Variants in LRBA observed in about 807,000 individuals in gnomAD.
LRBA encodes the protein lipopolysaccharide-responsive and beige-like anchor protein.
LRBA carries 176 observed loss-of-function variants against 330.0 expected under a neutral mutation model. The observed-to-expected ratio is 0.53, with a 90% CI of 0.47 to 0.60. The LOEUF (loss-of-function observed/expected upper bound fraction) is 0.60. Among genes scored for constraint, LRBA ranks in the 20% least tolerant of loss-of-function variants. The pLI is 0.00. For synonymous variants in LRBA, 1,230 were observed against 1,193.0 expected (o/e 1.03, Z -0.64); for missense variants, 3,259 against 3,444.8 (o/e 0.95, Z 1.35).
At chr4:150,313,115 T>C (rs1731273055) in intron 51 of LRBA, among the ~76,000 whole-genome samples, 2 of 152,138 alleles carry the variant, frequency 1.3e-5, no homozygotes, top group South Asian at 4.1e-4. Flanking sequence ...CACATTTTTA[T>C]GGCTGAAAAG....
At chr4:150,727,892 T>C (rs1165205783) in intron 36 of LRBA, among the ~76,000 whole-genome samples, 1 of 151,892 alleles carries the variant, frequency 6.6e-6, no homozygotes. Context: ...GAATTTGAAA[T>C]GAAGAAAACA....
chr4:150,625,979 A>G (rs757629776), intron 37 of LRBA, among the ~76,000 whole-genome samples: 2 of 151,722 alleles, frequency 1.3e-5, no homozygotes, highest in African/African-American at 2.4e-5. Context: ...GGTGTGAGCC[A>G]CAGTCCTTGG....
At chr4:150,706,847 C>A (rs1377904931) in intron 36 of LRBA, among the ~76,000 whole-genome samples, 1 of 151,334 alleles carries the variant, frequency 6.6e-6, no homozygotes, top group East Asian at 1.9e-4. Flanking sequence ...CATAAAAAAC[C>A]AAAAATGTAG....
At chr4:150,417,272 T>C (rs1185839838) in intron 46 of LRBA, among the ~76,000 whole-genome samples, 1 of 152,128 alleles carries the variant, frequency 6.6e-6, no homozygotes, top group Non-Finnish European at 1.5e-5. Context: ...AAAAAGAATT[T>C]TTGTAATGTG....
At chr4:150,958,787 T>A (rs1266831665) in intron 2 of LRBA, among the ~76,000 whole-genome samples, 1 of 149,172 alleles carries the variant, frequency 6.7e-6, no homozygotes, top group Non-Finnish European at 1.5e-5. Context: ...ATGGCAAGAA[T>A]GATCTTTACT....
chr4:150,339,508 T>C (rs1330441948), intron 48 of LRBA, among the ~76,000 whole-genome samples: 6 of 152,024 alleles, frequency 3.9e-5, no homozygotes, highest in Admixed American at 3.9e-4. Context: ...GGAGAAAGAG[T>C]TGTGTTTGGC....
At chr4:150,776,215 G>A (rs757940610) in intron 34 of LRBA, among the ~76,000 whole-genome samples, 2 of 152,142 alleles carry the variant, frequency 1.3e-5, no homozygotes. Flanking sequence ...CACTAGGGAG[G>A]CTGAGGCAGG....
intron 37 of LRBA, among the ~76,000 whole-genome samples, chr4:150,624,663 C>T (rs906922986): frequency 4.0e-5 from 6 of 151,734 alleles, no homozygotes; most frequent in African/African-American, 4.8e-5. Context: ...ACAACTAATG[C>T]GTATATAAAA....
At chr4:150,311,333 T>G (rs1029605178) in intron 51 of LRBA, 1 of 152,138 alleles carries the variant, frequency 6.6e-6, no homozygotes, top group African/African-American at 2.4e-5. Context: ...GTACCAGAAA[T>G]CAGAACAAAC....
At chr4:150,497,508 T>C (rs769402970) in intron 40 of LRBA, among the ~76,000 whole-genome samples, 7 of 152,150 alleles carry the variant, frequency 4.6e-5, no homozygotes, top group Non-Finnish European at 8.8e-5. Context: ...ACCTCTTAAA[T>C]TAATCATGTG....
At chr4:150,724,903 T>TAC (rs775904309) in intron 36 of LRBA, among the ~76,000 whole-genome samples, 3,154 of 145,522 alleles carry the variant, frequency 0.022, 69 homozygotes, top group Admixed American at 0.079. Context: ...TGTATATATA[T>TAC]ACACACACAC....
chr4:150,513,512 A>G (rs1762041487), intron 40 of LRBA, among the ~76,000 whole-genome samples: 1 of 152,144 alleles, frequency 6.6e-6, no homozygotes, highest in Admixed American at 6.5e-5. Flanking sequence ...CACAGCACCC[A>G]CCTGGGTCTG....
intron 2 of LRBA, among the ~76,000 whole-genome samples, chr4:150,944,869 G>A (rs2149532531): frequency 6.6e-6 from 1 of 152,266 alleles, no homozygotes; most frequent in East Asian, 1.9e-4. Context: ...ATGGGGTGGG[G>A]GGTTCTCATG....
Position 150,817,266 on chromosome 4 carries a change from A to C in LRBA, c.5172-9T>G. ...CTGCAACAATGACACTTCTGTAATAAAGAAAGTAAACAGACTGAAAGATAC... is the reference window on the plus strand; with the variant it reads ...CTGCAACAATGACACTTCTGTAATACAGAAAGTAAACAGACTGAAAGATAC... On this transcript the variant is annotated splice_polypyrimidine_tract_variant and intron_variant, in intron 30 of 56. Transcript: ENST00000651943. The C allele has an allele frequency of 1.2e-6, 2 of 1,610,766 alleles. No individual in the cohort carries two copies. The highest frequency in any genetic ancestry group is 2.2e-5 in the South Asian group (2 of 90,954).
intron 35 of LRBA, among the ~76,000 whole-genome samples, chr4:150,757,451 T>G (rs139264947): frequency 6.6e-6 from 1 of 152,280 alleles, no homozygotes; most frequent in Non-Finnish European, 1.5e-5. Context: ...TCATGTTATT[T>G]ACACAAATAC....
At chr4:150,548,494 G>A (rs1045228722) in intron 40 of LRBA, among the ~76,000 whole-genome samples, 16 of 151,384 alleles carry the variant, frequency 1.1e-4, no homozygotes. Context: ...AAAACAATAG[G>A]AAACTGAGGA....
chr4:150,489,177 G>GTA (rs1554039057), intron 41 of LRBA, among the ~76,000 whole-genome samples: 546 of 18,418 alleles, frequency 0.03, 5 homozygotes, highest in Middle Eastern at 0.071. Flanking sequence ...TTATATATAA[G>GTA]TATATAATAT....
rs569097601 is a variant in LRBA at position 150,757,612 on chromosome 4, A to C, written c.5645+4171T>G. 1.9e-3 allele frequency among the ~76,000 whole-genome samples: 291 copies of C among 152,318 alleles called. 3 individuals carry two copies. The highest frequency in any genetic ancestry group is 6.7e-3 in the African/African-American group (279 of 41,572). Reference sequence around the variant, plus strand: ...TCTTCCTGCCCCTGGGATTAAGTCTAGTAGTCAAACACTCCAAACTATTTC... The same window carrying C: ...TCTTCCTGCCCCTGGGATTAAGTCTCGTAGTCAAACACTCCAAACTATTTC... On this transcript the variant is annotated intron_variant, in intron 35 of 56. Coordinates refer to ENST00000651943, the MANE Select transcript of LRBA (RefSeq NM_001364905.1).
chr4:150,951,782 C>T (rs1736862067), intron 2 of LRBA, among the ~76,000 whole-genome samples: 2 of 152,108 alleles, frequency 1.3e-5, no homozygotes, highest in African/African-American at 2.4e-5. Context: ...AAACAAGGCA[C>T]AGTGATTCAG....
Sources: allele counts gnomAD v4.1 joint callset (sites outside exome capture counted in the v4.1 genomes callset), GRCh38; gene constraint gnomAD v4.1.1; transcripts MANE v1.5; gene names NCBI Gene and HGNC (gene_info 2026-07-23, HGNC 2026-07-21).